SIAH1: variants seen among roughly 807,000 people sequenced by gnomAD.
SIAH1 encodes the protein E3 ubiquitin-protein ligase SIAH1.
A neutral mutation model predicts 20.0 loss-of-function variants in SIAH1; 2 were observed. The ratio of observed to expected loss-of-function variants is 0.10; its 90% CI spans 0.04 to 0.31. The LOEUF (loss-of-function observed/expected upper bound fraction) is 0.31, where lower values mean the gene tolerates loss of function less well. Among genes scored for constraint, SIAH1 ranks in the 10% least tolerant of loss-of-function variants. The pLI is 1.00. For synonymous variants in SIAH1, 118 were observed against 125.3 expected (o/e 0.94, Z 0.39); for missense variants, 119 against 355.3 (o/e 0.33, Z 5.35).
In SIAH1 at chr16:48,361,432, C is replaced by T; in HGVS notation, c.*148G>A. ...TTAGTGTTACTACATGCAACTGTTTCCTGTATTTAACAGCCTTTCTTTTTA... is the reference window on the plus strand; with the variant it reads ...TTAGTGTTACTACATGCAACTGTTTTCTGTATTTAACAGCCTTTCTTTTTA... On this transcript the variant is annotated 3_prime_UTR_variant, in exon 2 of 2. Coordinates refer to ENST00000394725, the MANE Select transcript of SIAH1 (RefSeq NM_003031.4). 1.4e-6 allele frequency: 1 copy of T among 703,486 alleles called. No homozygotes were observed. Among genetic ancestry groups the T allele is most frequent in the South Asian group, 1.9e-5 (1 of 53,908 alleles). The allele number at this position is 703,486 out of a possible 1,614,324, so 43.6% of individuals were successfully genotyped here. A position where few individuals can be genotyped will look rare whatever the true frequency, so the allele number is the denominator to read the frequency against.
intron 1 of SIAH1, chr16:48,365,055 G>A (rs1261614561): frequency 4.3e-6 from 1 of 234,980 alleles, no homozygotes; most frequent in Non-Finnish European, 8.4e-6. Flanking sequence ...AATGTGAACG[G>A]TATTTCTTGG....
intron 1 of SIAH1, chr16:48,365,668 C>CA: frequency 7.0e-7 from 1 of 1,431,218 alleles, no homozygotes; most frequent in Non-Finnish European, 9.1e-7. Flanking sequence ...GAGGCAACCA[C>CA]ACCTCCCTGT....
chr16:48,379,619 G>C (rs954143784), intron 1 of SIAH1, among the ~76,000 whole-genome samples: 2 of 152,196 alleles, frequency 1.3e-5, no homozygotes, highest in Non-Finnish European at 2.9e-5. Context: ...AAACTCTTGA[G>C]ACACAAGGAT....
Position 48,362,379 on chromosome 16 carries a change from G to A in SIAH1, c.50C>T (p.Pro17Leu). Residue 17 changes from proline (P) to leucine (L), a missense_variant, in exon 2 of 2, where the codon CCA becomes CTA. Coordinates refer to ENST00000394725, the MANE Select transcript of SIAH1 (RefSeq NM_003031.4). This position sits in a 1 kb window ranked among gnomAD's most constrained non-coding sequence, Gnocchi z 4.2. ...TALPTGTSKC[P>L]PSQRVPALTG... ...CAGGGCAGGCACCCTCTGGGATGGT[G>A]GACACTTCGAGGTACCGGTAGGTAA... 6.2e-7 allele frequency: 1 copy of A among 1,614,122 alleles called. No individual in the cohort carries two copies. The highest frequency in any genetic ancestry group is 1.6e-4 in the Middle Eastern group (1 of 6,062).
chr16:48,377,378 A>C (rs1228836657), intron 1 of SIAH1, among the ~76,000 whole-genome samples: 1 of 151,180 alleles, frequency 6.6e-6, no homozygotes, highest in Non-Finnish European at 1.5e-5. Flanking sequence ...TTAAACCTAA[A>C]GTTCTGGAAG....
At chr16:48,383,218 C>T (rs1247944624) in intron 1 of SIAH1, among the ~76,000 whole-genome samples, 2 of 151,928 alleles carry the variant, frequency 1.3e-5, no homozygotes, top group Non-Finnish European at 2.9e-5. Flanking sequence ...TGGAAAGATG[C>T]CAATAACGAA....
intron 1 of SIAH1, chr16:48,365,458 G>A (rs1960796038): frequency 6.2e-7 from 1 of 1,613,612 alleles, no homozygotes; most frequent in African/African-American, 1.3e-5. Flanking sequence ...CAGAGAAGGT[G>A]GAGTAGCCTT....
upstream of SIAH1, among the ~76,000 whole-genome samples, chr16:48,385,766 A>G (rs1961448603): frequency 6.6e-6 from 1 of 151,456 alleles, no homozygotes; most frequent in Admixed American, 6.6e-5. Context: ...CTCCGGCCGG[A>G]GGGGTCGCCC....
chr16:48,382,294 G>A (rs948138745), intron 1 of SIAH1, among the ~76,000 whole-genome samples: 1 of 152,060 alleles, frequency 6.6e-6, no homozygotes, highest in Non-Finnish European at 1.5e-5. Context: ...GGCTAAGGTG[G>A]GGGGAACCTT....
intron 1 of SIAH1, chr16:48,363,940 C>CTTTTTTTTTTTTTTT (rs565145479): frequency 1.5e-5 from 1 of 64,642 alleles, no homozygotes; most frequent in Non-Finnish European, 3.1e-5. Context: ...AAGCCATAAT[C>CTTTTTTTTTTTTTTT]TTTTTTTTTT....
At chr16:48,368,601 G>A (rs1346603932) in intron 1 of SIAH1, among the ~76,000 whole-genome samples, 2 of 152,112 alleles carry the variant, frequency 1.3e-5, no homozygotes, top group African/African-American at 2.4e-5. Context: ...GGGAGGCTGA[G>A]GCAGAAGAAT....
In SIAH1 at chr16:48,382,152, G is replaced by C. The variant is rs375760593; in HGVS notation, c.-3+3052C>G. Among the ~76,000 whole-genome samples the C allele has an allele frequency of 5.9e-5, 9 of 152,256 alleles. No individual in the cohort carries two copies. The South Asian group carries it at 1.0e-3, about 18-fold the overall frequency. On this transcript the variant is annotated intron_variant, in intron 1 of 1. Transcript: ENST00000394725. ...AGCACTTTGGGAGTCCGAGGTGGGCGGATTACTTGAGCCCAGGAGTTTGTG... is the reference window on the plus strand; with the variant it reads ...AGCACTTTGGGAGTCCGAGGTGGGCCGATTACTTGAGCCCAGGAGTTTGTG...
At chr16:48,381,844 G>C (rs935410996) in intron 1 of SIAH1, among the ~76,000 whole-genome samples, 3 of 152,116 alleles carry the variant, frequency 2.0e-5, no homozygotes, top group Admixed American at 6.6e-5. Context: ...TAAAATGTAC[G>C]CCACTATAAT....
intron 1 of SIAH1, among the ~76,000 whole-genome samples, chr16:48,381,952 G>A (rs1023813794): frequency 2.6e-5 from 4 of 152,072 alleles, no homozygotes; most frequent in East Asian, 1.9e-4. Flanking sequence ...TACACGTGTA[G>A]GGGCAGGGGC....
At chr16:48,376,420 A>T (rs1260403873) in intron 1 of SIAH1, among the ~76,000 whole-genome samples, 1 of 152,192 alleles carries the variant, frequency 6.6e-6, no homozygotes, top group Non-Finnish European at 1.5e-5. Flanking sequence ...TACTTACAGG[A>T]AACTTAAAAC....
intron 1 of SIAH1, among the ~76,000 whole-genome samples, chr16:48,379,247 C>T (rs1407937382): frequency 3.3e-5 from 5 of 151,080 alleles, no homozygotes; most frequent in Non-Finnish European, 7.4e-5. Context: ...GCTGGGGGGG[C>T]GAGGGGAAGG....
At chr16:48,384,886 G>A (rs1961404161) in intron 1 of SIAH1, among the ~76,000 whole-genome samples, 1 of 145,314 alleles carries the variant, frequency 6.9e-6, no homozygotes, top group African/African-American at 2.5e-5. Context: ...GGGCGCGCGG[G>A]GGCCGGGCCG....
rs1370206165 is a variant in SIAH1 at position 48,361,539 on chromosome 16, TG to T, written c.*40del. 6.3e-7 allele frequency: 1 copy of T among 1,594,434 alleles called. No homozygotes were observed. The highest frequency in any genetic ancestry group is 1.1e-5 in the South Asian group (1 of 90,496). ...ATGGGTGCCTTATTTTCTGTGAAACTGAAGTTTTAAACACTGGCCAGAAAAT... is the reference window on the plus strand; with the variant it reads ...ATGGGTGCCTTATTTTCTGTGAAACTAAGTTTTAAACACTGGCCAGAAAAT... On this transcript the variant is annotated 3_prime_UTR_variant, in exon 2 of 2. Coordinates refer to ENST00000394725, the MANE Select transcript of SIAH1 (RefSeq NM_003031.4).
chr16:48,386,336 A>C (rs187952287), upstream of SIAH1, among the ~76,000 whole-genome samples: 29 of 152,148 alleles, frequency 1.9e-4, no homozygotes, highest in East Asian at 5.4e-3. Context: ...GTGAAACCCT[A>C]TCTCTACTAA....
Sources: gnomAD v4.1 joint callset for allele counts (sites outside exome capture counted in the v4.1 genomes callset) on GRCh38, gnomAD v4.1.1 for gene constraint, Gnocchi (gnomAD v3.1) non-coding constraint, MANE v1.5 for transcripts, NCBI Gene and HGNC (gene_info 2026-07-23, HGNC 2026-07-21) for gene names.